The following LUZP2 variants were observed in gnomAD, a reference collection of about 807,000 sequenced individuals.
LUZP2 encodes the protein leucine zipper protein 2.
LUZP2 carries 52 observed loss-of-function variants against 51.6 expected under a neutral mutation model. That is an observed-to-expected ratio of 1.01 (90% CI 0.81 to 1.27). The LOEUF is 1.27. Ranked by LOEUF, LUZP2 falls within the 50% of genes most tolerant of loss-of-function variation. LUZP2 has a pLI of 0.00. For missense variants in LUZP2, 436 were observed against 395.4 expected (o/e 1.10, Z -0.87); for synonymous variants, 154 against 137.3 (o/e 1.12, Z -0.85).
chr11:24,594,955 T>C lies in LUZP2; in HGVS notation c.62+97650T>C, dbSNP rs549611231. 2.1e-4 allele frequency among the ~76,000 whole-genome samples: 32 copies of C among 151,002 alleles called. No individual in the cohort carries two copies. In the South Asian group the frequency reaches 2.7e-3, roughly 13 times the overall value. On this transcript the variant is annotated intron_variant, in intron 1 of 11. Coordinates refer to ENST00000336930, the MANE Select transcript of LUZP2 (RefSeq NM_001009909.4). ...TTTTGTATTTTTAGTAGAGGCGGGGTTTCACCATATTGTTCAGGCTGGTCT... is the reference window on the plus strand; with the variant it reads ...TTTTGTATTTTTAGTAGAGGCGGGGCTTCACCATATTGTTCAGGCTGGTCT...
intron 7 of LUZP2, among the ~76,000 whole-genome samples, chr11:24,969,461 T>C (rs1002640721): frequency 3.9e-5 from 6 of 152,174 alleles, no homozygotes; most frequent in Admixed American, 6.6e-5. Flanking sequence ...TTATTTCTTA[T>C]TTTTTATGTT....
chr11:24,933,863 C>A (rs986311093), intron 7 of LUZP2, among the ~76,000 whole-genome samples: 1 of 151,736 alleles, frequency 6.6e-6, no homozygotes, highest in East Asian at 1.9e-4. Flanking sequence ...TTGGGATGGG[C>A]GGTGGAGTTA....
chr11:25,026,169 C>T (rs375561328), intron 9 of LUZP2, among the ~76,000 whole-genome samples: 25 of 151,510 alleles, frequency 1.7e-4, no homozygotes, highest in Middle Eastern at 3.4e-3. Context: ...GGAGGGATAG[C>T]ATTAGGAGAT....
intron 5 of LUZP2, among the ~76,000 whole-genome samples, chr11:24,792,905 A>G (rs543307703): frequency 2.4e-4 from 37 of 152,230 alleles, no homozygotes; most frequent in African/African-American, 7.7e-4. Context: ...GGCAATTTCT[A>G]TGACTTGTAT....
intron 5 of LUZP2, among the ~76,000 whole-genome samples, chr11:24,811,360 C>T (rs1052795271): frequency 2.0e-5 from 3 of 152,134 alleles, no homozygotes; most frequent in Admixed American, 6.5e-5. Context: ...CCTTAATAGC[C>T]TCTGAAATAT....
chr11:24,858,002 C>CT (rs776598420), intron 5 of LUZP2, among the ~76,000 whole-genome samples: 17 of 151,882 alleles, frequency 1.1e-4, no homozygotes, highest in Non-Finnish European at 2.1e-4. Context: ...CAGTTTCTTT[C>CT]TTTTTTTTAT....
At chr11:24,983,001 C>T in intron 8 of LUZP2, 125 bp from the exon 9 acceptor site, 1 of 834,342 alleles carries the variant, frequency 1.2e-6, no homozygotes, top group Non-Finnish European at 1.9e-6. Context: ...ATAAATTAGG[C>T]AATTACATTT....
intron 1 of LUZP2, among the ~76,000 whole-genome samples, chr11:24,660,545 A>G (rs991038312): frequency 2.6e-5 from 4 of 152,148 alleles, no homozygotes; most frequent in African/African-American, 9.7e-5. Flanking sequence ...CTGATATCTT[A>G]AATTCTACCC....
intron 9 of LUZP2, among the ~76,000 whole-genome samples, chr11:25,009,845 C>T (rs190004369): frequency 6.6e-6 from 1 of 152,130 alleles, no homozygotes; most frequent in Non-Finnish European, 1.5e-5. Context: ...ATTAACTCAG[C>T]AGTTAGTACT....
intron 1 of LUZP2, among the ~76,000 whole-genome samples, chr11:24,553,654 T>C (rs979007149): frequency 2.6e-5 from 4 of 152,094 alleles, no homozygotes; most frequent in Non-Finnish European, 4.4e-5. Flanking sequence ...TCTTCCTTCT[T>C]AGGGGTTCAA....
chr11:24,612,196 A>G (rs1565028394), intron 1 of LUZP2, among the ~76,000 whole-genome samples: 1 of 152,170 alleles, frequency 6.6e-6, no homozygotes, highest in African/African-American at 2.4e-5. Flanking sequence ...AGGGAAAGAA[A>G]GAGGAATTAA....
intron 1 of LUZP2, among the ~76,000 whole-genome samples, chr11:24,600,174 AACACACAC>A (rs61439379): frequency 0.054 from 7,806 of 143,984 alleles, 286 homozygotes; most frequent in African/African-American, 0.091. Flanking sequence ...TGTAGATTAC[AACACACAC>A]ACACACACAC....
intron 5 of LUZP2, among the ~76,000 whole-genome samples, chr11:24,843,929 A>T (rs1851116570): frequency 6.6e-6 from 1 of 152,174 alleles, no homozygotes; most frequent in East Asian, 1.9e-4. Context: ...AGGCCTCCCC[A>T]GCCATGTGAA....
chr11:24,715,301 G>GTGTGTA (rs767905263), intron 1 of LUZP2, among the ~76,000 whole-genome samples: 1 of 69,520 alleles, frequency 1.4e-5, no homozygotes, highest in African/African-American at 4.2e-5. Flanking sequence ...GTGTGTGTGT[G>GTGTGTA]TGTGTGCATG....
At chr11:24,804,354 C>T (rs568265153) in intron 5 of LUZP2, among the ~76,000 whole-genome samples, 8 of 152,154 alleles carry the variant, frequency 5.3e-5, no homozygotes, top group Non-Finnish European at 1.2e-4. Context: ...AACGTATCAT[C>T]TTTTCCTAAC....
intron 5 of LUZP2, among the ~76,000 whole-genome samples, chr11:24,782,496 C>A (rs940296746): frequency 6.6e-6 from 1 of 151,944 alleles, no homozygotes; most frequent in Non-Finnish European, 1.5e-5. Flanking sequence ...AATTTTATAA[C>A]CACAGAAAAT....
intron 1 of LUZP2, among the ~76,000 whole-genome samples, chr11:24,591,466 A>T (rs1437278943): frequency 6.6e-6 from 1 of 152,214 alleles, no homozygotes; most frequent in Admixed American, 6.5e-5. Context: ...ATGATATCAT[A>T]GTTATAATTG....
chr11:24,786,418 T>C, intron 5 of LUZP2: 1 of 982,450 alleles, frequency 1.0e-6, no homozygotes. Context: ...TTAGTATACA[T>C]ATGCAATTTT....
At chr11:24,998,812 A>AT (rs1044818823) in intron 9 of LUZP2, among the ~76,000 whole-genome samples, 32 of 150,858 alleles carry the variant, frequency 2.1e-4, no homozygotes, top group Middle Eastern at 3.5e-3. Context: ...CTCACCTTTC[A>AT]TTTTTTTTTG....
Sources: allele counts gnomAD v4.1 joint callset (sites outside exome capture counted in the v4.1 genomes callset), GRCh38; gene constraint gnomAD v4.1.1; transcripts MANE v1.5; gene names NCBI Gene and HGNC (gene_info 2026-07-23, HGNC 2026-07-21).